Variants in TMEM179 observed in about 807,000 individuals in gnomAD.
The protein encoded by TMEM179 is transmembrane protein 179, also known as transmembrane protein 179A.
Under a neutral mutation model 22.2 loss-of-function variants are expected in TMEM179, and 17 were observed. That is an observed-to-expected ratio of 0.77 (90% CI 0.52 to 1.15). The LOEUF (loss-of-function observed/expected upper bound fraction) is 1.15. Ranked by LOEUF, TMEM179 falls within the 50% of genes most tolerant of loss-of-function variation. TMEM179 has a pLI of 0.00. For missense variants in TMEM179, 265 were observed against 313.6 expected, an observed-to-expected ratio of 0.84 and a Z score of 1.17; for synonymous variants, 127 against 140.5, an observed-to-expected ratio of 0.90 and a Z score of 0.68.
chr14:104,595,171 A>T lies in TMEM179; in HGVS notation c.516T>A (p.Ile172=). 6.2e-7 allele frequency: 1 copy of T among 1,613,760 alleles called. No homozygotes were observed. The highest frequency in any genetic ancestry group is 8.5e-7 in the Non-Finnish European group (1 of 1,179,974). ...DNSAFYDQFA[I]AQFGLWASWL... is the part of the protein sequence containing the mutation. ...CTTGCCCAGAGCCCCCTACCTGGGC[A>T]ATTGCAAACTGATCGTAGAAGGCGG... The change falls in exon 3 of 4, where the codon ATT becomes ATA. Residue 172 remains isoleucine (I), a synonymous_variant. Coordinates refer to ENST00000556573, the MANE Select transcript of TMEM179 (RefSeq NM_001286389.2). The surrounding 1 kb of genome is among the most constrained non-coding windows in gnomAD (Gnocchi z 5.7).
chr14:104,604,557 A>G lies in TMEM179; in HGVS notation c.185T>C (p.Val62Ala). 2 of 1,534,676 alleles carry G rather than the reference A, an allele frequency of 1.3e-6. No individual in the cohort carries two copies. Among genetic ancestry groups the G allele is most frequent in the South Asian group, 1.2e-5 (1 of 81,032 alleles). ...GGCGGCCGGCGGGCCCCACTCCTGCACCGTGAAGCGCTCGCGCTCCTGCAC... is the reference window on the plus strand; with the variant it reads ...GGCGGCCGGCGGGCCCCACTCCTGCGCCGTGAAGCGCTCGCGCTCCTGCAC... ...LTVQERERFT[V>A]QEWGPPAACR... Residue 62 changes from valine to alanine, a missense_variant, in exon 1 of 4, where the codon GTG becomes GCG. Transcript: ENST00000556573. This position sits in a 1 kb window ranked among gnomAD's most constrained non-coding sequence, Gnocchi z 4.6.
At chr14:104,600,940 C>T in intron 1 of TMEM179, among the ~76,000 whole-genome samples, 1 of 152,242 alleles carries the variant, frequency 6.6e-6, no homozygotes, top group East Asian at 1.9e-4. Context: ...CATGTGCTGT[C>T]CTAAACAGGC....
At chr14:104,598,515 G>T (rs991909367) in intron 1 of TMEM179, among the ~76,000 whole-genome samples, 1 of 152,258 alleles carries the variant, frequency 6.6e-6, no homozygotes, top group African/African-American at 2.4e-5. Flanking sequence ...CAAAGTGGAG[G>T]CCAGCGCATT....
intron 3 of TMEM179, chr14:104,594,584 T>G (rs1380914698): frequency 7.7e-5 from 95 of 1,230,300 alleles, no homozygotes; most frequent in Non-Finnish European, 1.5e-5. Context: ...ATGCCTGCAT[T>G]TCAGCAAATA....
At chr14:104,594,804 CA>C (rs1339806824) in intron 3 of TMEM179, 4 of 1,227,508 alleles carry the variant, frequency 3.3e-6, no homozygotes, top group Non-Finnish European at 2.0e-6. Flanking sequence ...GCGCCAGCAC[CA>C]AAGTCCAAAG....
Position 104,593,442 on chromosome 14 carries a change from G to A in TMEM179, c.*37C>T. 6.5e-7 allele frequency: 1 copy of A among 1,535,568 alleles called. No individual in the cohort carries two copies. Among genetic ancestry groups the A allele is most frequent in the East Asian group, 2.4e-5 (1 of 40,902 alleles). ...CAGGCCCGTGCCCCCGAGCGCAGCAGGGAGGTCGGGGCCAGCTCCCCCTGC... is the reference window on the plus strand; with the variant it reads ...CAGGCCCGTGCCCCCGAGCGCAGCAAGGAGGTCGGGGCCAGCTCCCCCTGC... On this transcript the variant is annotated 3_prime_UTR_variant, in exon 4 of 4. Coordinates refer to ENST00000556573, the MANE Select transcript of TMEM179 (RefSeq NM_001286389.2).
At chr14:104,603,741 C>T (rs1325998545) in intron 1 of TMEM179, among the ~76,000 whole-genome samples, 2 of 152,148 alleles carry the variant, frequency 1.3e-5, no homozygotes, top group Admixed American at 6.5e-5. Flanking sequence ...GGTGGGCCCC[C>T]AGAGGGCCCC....
At chr14:104,594,301 G>A in intron 3 of TMEM179, 1 of 1,231,560 alleles carries the variant, frequency 8.1e-7, no homozygotes, top group East Asian at 3.2e-5. Flanking sequence ...CCCATGTCCA[G>A]CACCCTTGGA....
Position 104,597,014 on chromosome 14 carries a change from G to T in TMEM179, c.419C>A (p.Thr140Asn). The part of the protein sequence containing the change: ...VGFTMWCDTI[T>N]EKGTVPHSCE... ...CCTGTGGGGTACGGTGCCCTTCTCGGTGATGGTGTCGCACCACATGGTGAA... is the reference window on the plus strand; with the variant it reads ...CCTGTGGGGTACGGTGCCCTTCTCGTTGATGGTGTCGCACCACATGGTGAA... The change falls in exon 2 of 4, where the codon ACC becomes AAC. Residue 140 changes from threonine (T) to asparagine (N), a missense_variant. By Grantham distance (65) the Thr-to-Asn change is moderately conservative (BLOSUM62 0). Coordinates refer to ENST00000556573, the MANE Select transcript of TMEM179 (RefSeq NM_001286389.2). The surrounding 1 kb of genome is among the most constrained non-coding windows in gnomAD (Gnocchi z 4.8). The T allele has an allele frequency of 6.2e-7, 1 of 1,608,756 alleles. No individual in the cohort carries two copies.
intron 3 of TMEM179, chr14:104,594,897 C>T: frequency 7.6e-7 from 1 of 1,315,024 alleles, no homozygotes; most frequent in African/African-American, 1.5e-5. Context: ...CCCACACTTC[C>T]CACCCCAGAC....
chr14:104,603,456 C>A (rs1265970683), intron 1 of TMEM179, among the ~76,000 whole-genome samples: 1 of 150,438 alleles, frequency 6.6e-6, no homozygotes, highest in East Asian at 1.9e-4. Flanking sequence ...TGCTCCTGGG[C>A]ACAGCAGGCC....
At chr14:104,602,544 C>T (rs970424043) in intron 1 of TMEM179, among the ~76,000 whole-genome samples, 1 of 152,238 alleles carries the variant, frequency 6.6e-6, no homozygotes. Context: ...CTGTCTCATT[C>T]AGGGAGGCTT....
In TMEM179 at chr14:104,604,664, G is replaced by C. The variant is rs754131053; in HGVS notation, c.78C>G (p.Val26=). Residue 26 remains valine (V), a synonymous_variant, in exon 1 of 4, where the codon GTC becomes GTG. Coordinates refer to ENST00000556573, the MANE Select transcript of TMEM179 (RefSeq NM_001286389.2). The surrounding 1 kb of genome is among the most constrained non-coding windows in gnomAD (Gnocchi z 4.6). ...AGTCGTGGCCGTTCTCGGACAGCGGGACCACCACCACGAAGCTGAACAGGA... is the reference window on the plus strand; with the variant it reads ...AGTCGTGGCCGTTCTCGGACAGCGGCACCACCACCACGAAGCTGAACAGGA... ...LAFLFSFVVV[V]PLSENGHDFR... The C allele has an allele frequency of 1.4e-5, 23 of 1,596,898 alleles. No individual in the cohort carries two copies. The highest frequency in any genetic ancestry group is 1.9e-5 in the Non-Finnish European group (22 of 1,173,326).
Position 104,593,780 on chromosome 14 carries a change from G to C in TMEM179, c.523-122C>G. 3 of 1,189,740 alleles carry C rather than the reference G, an allele frequency of 2.5e-6. 1 individual carries two copies. In the South Asian group the frequency reaches 5.7e-5, roughly 23 times the overall value. 73.7% of individuals were successfully genotyped at this position (1,189,740 alleles called of 1,614,324 possible). A position where few individuals can be genotyped will look rare whatever the true frequency, so the allele number is the denominator to read the frequency against. ...GGACAGGACTCAGAGGAAGGAGGAG[G>C]CCGGGGACATGGGGCAGGGCCAGCT... On this transcript the variant is annotated intron_variant, in intron 3 of 3. Coordinates refer to ENST00000556573, the MANE Select transcript of TMEM179 (RefSeq NM_001286389.2).
At chr14:104,601,307 C>T (rs1356098302) in intron 1 of TMEM179, among the ~76,000 whole-genome samples, 4 of 152,148 alleles carry the variant, frequency 2.6e-5, no homozygotes, top group African/African-American at 9.7e-5. Flanking sequence ...CACAAGGCAG[C>T]AGGCCTCAGG....
chr14:104,593,330 C>T lies in TMEM179; in HGVS notation c.*149G>A. 1 of 953,384 alleles carries T rather than the reference C, an allele frequency of 1.0e-6. No individual in the cohort carries two copies. Among genetic ancestry groups the T allele is most frequent in the Non-Finnish European group, 1.6e-6 (1 of 643,168 alleles). 59.1% of individuals were successfully genotyped at this position (953,384 alleles called of 1,614,324 possible). A position where few individuals can be genotyped will look rare whatever the true frequency, so the allele number is the denominator to read the frequency against. ...GCTCACAGGTGGGCACTGGGGCGCT[C>T]ACCTCACTACACGTGGCGTCGAGGG... is the stretch of plus-strand genomic sequence containing the variant. On this transcript the variant is annotated 3_prime_UTR_variant, in exon 4 of 4. Transcript: ENST00000556573.
chr14:104,594,228 T>G (rs1596295798), intron 3 of TMEM179: 1 of 1,231,826 alleles, frequency 8.1e-7, no homozygotes, highest in East Asian at 3.2e-5. Context: ...TTCCACTCAC[T>G]AAATTTGCAT....
At chr14:104,596,636 C>T (rs1031379961) in intron 2 of TMEM179, among the ~76,000 whole-genome samples, 2 of 152,196 alleles carry the variant, frequency 1.3e-5, no homozygotes, top group African/African-American at 4.8e-5. Flanking sequence ...CCTCCCAGGA[C>T]CCGGGGCCAT....
At chr14:104,599,897 C>T (rs1031456407) in intron 1 of TMEM179, among the ~76,000 whole-genome samples, 4 of 152,192 alleles carry the variant, frequency 2.6e-5, no homozygotes, top group African/African-American at 9.7e-5. Flanking sequence ...CCAGGCGACC[C>T]ACTGTCCCCT....
Sources: allele counts gnomAD v4.1 joint callset (sites outside exome capture counted in the v4.1 genomes callset), GRCh38; gene constraint gnomAD v4.1.1; non-coding constraint Gnocchi (gnomAD v3.1); transcripts MANE v1.5; gene names NCBI Gene and HGNC (gene_info 2026-07-23, HGNC 2026-07-21).